TBC1D5: variants seen among roughly 807,000 people sequenced by gnomAD.
TBC1D5 encodes the protein TBC1 domain family member 5, also known as TBC1 domain family, member 5.
TBC1D5 carries 75 observed loss-of-function variants against 100.3 expected under a neutral mutation model. That is an observed-to-expected ratio of 0.75 (90% CI 0.62 to 0.91). TBC1D5 has a LOEUF of 0.91. TBC1D5 is among the 40% of genes least tolerant of loss of function. The pLI is 0.00. For synonymous variants in TBC1D5, 323 were observed against 325.6 expected (o/e 0.99, Z 0.09); for missense variants, 910 against 942.4 (o/e 0.97, Z 0.45).
intron 13 of TBC1D5, among the ~76,000 whole-genome samples, chr3:17,370,977 C>T (rs905366852): frequency 7.9e-5 from 12 of 151,838 alleles, no homozygotes; most frequent in African/African-American, 2.9e-4. Flanking sequence ...TATAGAGAAC[C>T]CTTTTGTCTG....
chr3:17,242,126 C>T lies in TBC1D5; in HGVS notation c.1332-3707G>A, dbSNP rs541732396. On this transcript the variant is annotated intron_variant, in intron 16 of 21. Transcript: ENST00000253692. ...TGTCTTGCAGCCTGGCTTTCTGACC[C>T]GCACTCTACTGAAAGAGCTTCTAGG... 5.9e-5 allele frequency among the ~76,000 whole-genome samples: 9 copies of T among 152,232 alleles called. No individual in the cohort carries two copies. The South Asian group carries it at 1.0e-3, about 18-fold the overall frequency.
intron 14 of TBC1D5, among the ~76,000 whole-genome samples, chr3:17,301,171 G>A (rs1346578914): frequency 6.6e-6 from 1 of 151,590 alleles, no homozygotes; most frequent in African/African-American, 2.4e-5. Flanking sequence ...TTAAAATAGA[G>A]ACAATTTTTT....
intron 17 of TBC1D5, among the ~76,000 whole-genome samples, chr3:17,223,897 C>CA (rs979179983): frequency 6.4e-4 from 78 of 121,850 alleles, no homozygotes; most frequent in African/African-American, 2.1e-3. Context: ...GACTCTGTCT[C>CA]AAAAAAACAA....
At chr3:17,377,131 G>C (rs2152111083) in intron 9 of TBC1D5, among the ~76,000 whole-genome samples, 1 of 152,194 alleles carries the variant, frequency 6.6e-6, no homozygotes, top group Non-Finnish European at 1.5e-5. Flanking sequence ...ACAACCTTAA[G>C]AAGGTATGAC....
rs529018168 is a variant in TBC1D5 at position 17,482,234 on chromosome 3, C to G, written c.97+26240G>C. ...GTTCAAATGTTCCCTATAACGTGTACCTTAAGGCATAGTTTAAAAGACAAA... is the reference window on the plus strand; with the variant it reads ...GTTCAAATGTTCCCTATAACGTGTAGCTTAAGGCATAGTTTAAAAGACAAA... On this transcript the variant is annotated intron_variant, in intron 3 of 21. Coordinates refer to ENST00000253692, the Ensembl canonical transcript of TBC1D5. Among the ~76,000 whole-genome samples, 4 of 148,628 alleles carry G rather than the reference C, an allele frequency of 2.7e-5. No homozygotes were observed. In the East Asian group the frequency reaches 5.8e-4, roughly 22 times the overall value.
chr3:17,423,122 A>T (rs2094254546), intron 4 of TBC1D5, among the ~76,000 whole-genome samples: 1 of 152,160 alleles, frequency 6.6e-6, no homozygotes. Context: ...AAGCTCTGAT[A>T]AATATCAAGA....
At chr3:17,235,898 A>C (rs2075814873) in intron 17 of TBC1D5, among the ~76,000 whole-genome samples, 1 of 151,938 alleles carries the variant, frequency 6.6e-6, no homozygotes, top group Non-Finnish European at 1.5e-5. Context: ...AAGGTAAACA[A>C]ATTTTTGTTT....
intron 1 of TBC1D5, among the ~76,000 whole-genome samples, chr3:17,707,185 T>C (rs991054156): frequency 4.0e-4 from 58 of 145,656 alleles, no homozygotes; most frequent in African/African-American, 1.6e-3. Context: ...TTTGAGATAC[T>C]TATTTTTATA....
intron 16 of TBC1D5, among the ~76,000 whole-genome samples, chr3:17,255,968 G>A (rs1048360255): frequency 2.0e-5 from 3 of 152,120 alleles, no homozygotes; most frequent in Non-Finnish European, 4.4e-5. Context: ...CCCGGGAGGC[G>A]GAGCTTGCAG....
intron 13 of TBC1D5, among the ~76,000 whole-genome samples, chr3:17,315,169 C>A (rs1313832349): frequency 6.6e-6 from 1 of 152,244 alleles, no homozygotes; most frequent in East Asian, 1.9e-4. Context: ...GCTCACTCTA[C>A]ATGTCTAACC....
At chr3:17,651,866 C>G (rs1406301712) in intron 1 of TBC1D5, among the ~76,000 whole-genome samples, 1 of 152,048 alleles carries the variant, frequency 6.6e-6, no homozygotes, top group East Asian at 1.9e-4. Flanking sequence ...AGTGAAAACT[C>G]TCACAAAAAC....
At chr3:17,607,547 G>GAA (rs572833260) in intron 2 of TBC1D5, among the ~76,000 whole-genome samples, 1 of 127,810 alleles carries the variant, frequency 7.8e-6, no homozygotes, top group Non-Finnish European at 1.7e-5. Flanking sequence ...TGAGCTTAAA[G>GAA]AAAAAAAAAA....
chr3:17,171,140 G>T (rs1268378090), intron 19 of TBC1D5, among the ~76,000 whole-genome samples: 1 of 152,146 alleles, frequency 6.6e-6, no homozygotes, highest in African/African-American at 2.4e-5. Flanking sequence ...GGAAGTGGTG[G>T]TGCTTGCAGG....
intron 2 of TBC1D5, among the ~76,000 whole-genome samples, chr3:17,596,700 C>CAAAAAAAAA (rs34625799): frequency 2.0e-4 from 9 of 44,912 alleles, no homozygotes; most frequent in Non-Finnish European, 2.8e-4. Flanking sequence ...GACTCCATCT[C>CAAAAAAAAA]AAAAAAAAAA....
At chr3:17,523,613 C>T (rs755749651) in intron 2 of TBC1D5, among the ~76,000 whole-genome samples, 50 of 152,220 alleles carry the variant, frequency 3.3e-4, no homozygotes, top group Non-Finnish European at 4.9e-4. Flanking sequence ...TAAATACCTA[C>T]GTTTGCAACA....
intron 13 of TBC1D5, among the ~76,000 whole-genome samples, chr3:17,359,498 T>C (rs2091512306): frequency 6.6e-6 from 1 of 152,106 alleles, no homozygotes; most frequent in Admixed American, 6.5e-5. Context: ...TCATACAAGA[T>C]GCATACTGGT....
At chr3:17,467,442 C>T (rs977177004) in intron 3 of TBC1D5, among the ~76,000 whole-genome samples, 3 of 152,028 alleles carry the variant, frequency 2.0e-5, no homozygotes, top group Non-Finnish European at 2.9e-5. Flanking sequence ...CAATCTAGAC[C>T]TTAAAATACC....
intron 2 of TBC1D5, among the ~76,000 whole-genome samples, chr3:17,520,935 A>T (rs2096057363): frequency 6.6e-6 from 1 of 152,208 alleles, no homozygotes; most frequent in Middle Eastern, 3.2e-3. Context: ...AAAGGCAGGA[A>T]AGACATGTTT....
At chr3:17,517,299 CTTG>C (rs1294301064) in intron 2 of TBC1D5, among the ~76,000 whole-genome samples, 2 of 152,182 alleles carry the variant, frequency 1.3e-5, no homozygotes, top group Admixed American at 6.5e-5. Context: ...AAAGAAGCCA[CTTG>C]TTGTGTTGAG....
Sources: allele counts gnomAD v4.1 joint callset (sites outside exome capture counted in the v4.1 genomes callset), GRCh38; gene constraint gnomAD v4.1.1; transcripts MANE v1.5; gene names NCBI Gene and HGNC (gene_info 2026-07-23, HGNC 2026-07-21).